ADAM22: variants seen among roughly 807,000 people sequenced by gnomAD.
ADAM22 encodes ADAM metallopeptidase domain 22.
ADAM22 carries 65 observed loss-of-function variants against 144.6 expected under a neutral mutation model. That is an observed-to-expected ratio of 0.45 (90% CI 0.37 to 0.55). The LOEUF (loss-of-function observed/expected upper bound fraction) is 0.55, where lower values mean the gene tolerates loss of function less well. ADAM22 is among the 20% of genes least tolerant of loss of function. The pLI, the probability that ADAM22 is intolerant of heterozygous loss-of-function variation, is 0.00. For synonymous variants in ADAM22, 391 were observed against 412.6 expected (o/e 0.95, Z 0.63); for missense variants, 974 against 1,184.9 (o/e 0.82, Z 2.61).
intron 5 of ADAM22, 149 bp from the exon 6 acceptor site, chr7:88,114,433 GGT>G: frequency 1.6e-6 from 1 of 641,588 alleles, no homozygotes; most frequent in Non-Finnish European, 2.8e-6. Context: ...CCCTCTCAGT[GGT>G]GTGTGTGGTG....
At chr7:88,185,237 A>G (rs530368620) in intron 29 of ADAM22, among the ~76,000 whole-genome samples, 1 of 152,332 alleles carries the variant, frequency 6.6e-6, no homozygotes, top group African/African-American at 2.4e-5. Context: ...ATACTATCTT[A>G]CCAAAAATGG....
intron 2 of ADAM22, among the ~76,000 whole-genome samples, chr7:87,963,437 A>G (rs1848405721): frequency 6.6e-6 from 1 of 152,218 alleles, no homozygotes; most frequent in Non-Finnish European, 1.5e-5. Context: ...GAGCAACAAG[A>G]AGTTTAAAAA....
At chr7:87,989,416 T>C (rs967638337) in intron 3 of ADAM22, among the ~76,000 whole-genome samples, 2 of 152,236 alleles carry the variant, frequency 1.3e-5, no homozygotes, top group South Asian at 2.1e-4. Flanking sequence ...AGAGATGGGG[T>C]CTTGCTATGT....
Position 88,132,876 on chromosome 7 carries a change from A to G in ADAM22, c.1002A>G (p.Gln334=), listed in dbSNP as rs1328106298. The G allele has an allele frequency of 1.2e-6, 2 of 1,613,796 alleles. No homozygotes were observed. The highest frequency in any genetic ancestry group is 1.7e-5 in the Admixed American group (1 of 59,972). ...SDAVHLFSGS[Q]FESSRSGAAY... ...TTTCCTTTTCTAAAAGGGGAAGTCA[A>G]TTTGAGAGTAGCCGGAGCGGGGCAG... The change falls in exon 12 of 32, where the codon CAA becomes CAG. Residue 334 remains glutamine, a synonymous_variant. Transcript: ENST00000413139.
intron 2 of ADAM22, among the ~76,000 whole-genome samples, chr7:87,976,226 G>A (rs2129448383): frequency 6.6e-6 from 1 of 152,314 alleles, no homozygotes; most frequent in Non-Finnish European, 1.5e-5. Flanking sequence ...GGGGTGCTAT[G>A]CACTGAATTA....
chr7:88,169,844 AGTT>A (rs1167121910), intron 25 of ADAM22, among the ~76,000 whole-genome samples: 2 of 152,134 alleles, frequency 1.3e-5, no homozygotes, highest in Admixed American at 6.6e-5. Context: ...GAAGTAGCTC[AGTT>A]GTTTCATTTG....
At position 88,196,455 on chromosome 7, in the gene ADAM22, C is replaced by CT; in HGVS notation, c.2875-12dup. On this transcript the variant is annotated splice_polypyrimidine_tract_variant and intron_variant, in intron 31 of 31. Transcript: ENST00000413139. ...TGCTTTCACAATGTGCAATTTTGCTCTTTTCTGTTGTGCAGCTATGGGAGA... is the reference window on the plus strand; with the variant it reads ...TGCTTTCACAATGTGCAATTTTGCTCTTTTTCTGTTGTGCAGCTATGGGAGA... The CT allele has an allele frequency of 6.2e-7, 1 of 1,614,046 alleles. No individual in the cohort carries two copies. The highest frequency in any genetic ancestry group is 8.5e-7 in the Non-Finnish European group (1 of 1,179,996).
chr7:88,089,522 G>C (rs1422399349), intron 4 of ADAM22, among the ~76,000 whole-genome samples: 1 of 151,984 alleles, frequency 6.6e-6, no homozygotes, highest in Non-Finnish European at 1.5e-5. Flanking sequence ...TTTTCCAATA[G>C]AGCAACTCAG....
chr7:87,973,896 C>T (rs1475735592), intron 2 of ADAM22, among the ~76,000 whole-genome samples: 2 of 151,608 alleles, frequency 1.3e-5, no homozygotes, highest in African/African-American at 4.9e-5. Flanking sequence ...AATGAGAACA[C>T]ATGAACACAA....
rs1038003507 is a variant in ADAM22 at position 88,105,832 on chromosome 7, G to T, written c.391-2344G>T. ...ATTGATATGAAGATTTAGTGTGATT[G>T]TGTATGTAAATTGAGTAGAACAGTA... On this transcript the variant is annotated intron_variant, in intron 4 of 31. Transcript: ENST00000413139. Among the ~76,000 whole-genome samples, 119 of 152,162 alleles carry T rather than the reference G, an allele frequency of 7.8e-4. 1 individual carries two copies. Among genetic ancestry groups the T allele is most frequent in the Non-Finnish European group, 2.5e-4 (17 of 68,028 alleles).
intron 2 of ADAM22, among the ~76,000 whole-genome samples, chr7:87,944,831 GT>G (rs1383358458): frequency 4.5e-4 from 51 of 114,090 alleles, no homozygotes; most frequent in South Asian, 1.5e-3. Context: ...TTTTTTTTTT[GT>G]TTTTTTTTTT....
At chr7:87,946,009 AGTGT>A (rs1486399485) in intron 2 of ADAM22, among the ~76,000 whole-genome samples, 1 of 151,906 alleles carries the variant, frequency 6.6e-6, no homozygotes, top group Non-Finnish European at 1.5e-5. Flanking sequence ...AGAGTGTGTA[AGTGT>A]TCCCTTTTCT....
At chr7:88,189,728 G>T (rs1263763707) in intron 30 of ADAM22, among the ~76,000 whole-genome samples, 4 of 152,046 alleles carry the variant, frequency 2.6e-5, no homozygotes, top group Non-Finnish European at 5.9e-5. Context: ...GGCAGATCAT[G>T]AGGTCAGGAG....
chr7:88,047,864 C>T (rs1198438265), intron 3 of ADAM22, among the ~76,000 whole-genome samples: 2 of 151,700 alleles, frequency 1.3e-5, no homozygotes, highest in Non-Finnish European at 2.9e-5. Context: ...ATAAATGCAT[C>T]AGATGTATAT....
intron 5 of ADAM22, among the ~76,000 whole-genome samples, chr7:88,110,650 C>G (rs918020538): frequency 4.7e-5 from 7 of 149,962 alleles, no homozygotes; most frequent in African/African-American, 1.5e-4. Flanking sequence ...TTTTTCTTTT[C>G]TTTTCTTTTT....
chr7:88,162,676 T>C (rs918657083), intron 22 of ADAM22, among the ~76,000 whole-genome samples: 20 of 152,114 alleles, frequency 1.3e-4, no homozygotes, highest in African/African-American at 4.6e-4. Context: ...ACATATGCAA[T>C]CTTTTTGGGT....
At chr7:88,138,744 A>T (rs4320482) in intron 14 of ADAM22, among the ~76,000 whole-genome samples, 27,370 of 152,208 alleles carry the variant, frequency 0.18, 4,083 homozygotes, top group African/African-American at 0.41. Context: ...CCTTCAGATA[A>T]TTGAAGGGGC....
At chr7:88,160,262 A>G (rs891902361) in intron 22 of ADAM22, among the ~76,000 whole-genome samples, 2 of 152,186 alleles carry the variant, frequency 1.3e-5, no homozygotes, top group Admixed American at 6.6e-5. Flanking sequence ...AGATGCCACA[A>G]ACAAAAGGAA....
intron 13 of ADAM22, 86 bp from the exon 14 acceptor site, chr7:88,135,894 G>A: frequency 6.0e-6 from 7 of 1,169,054 alleles, no homozygotes; most frequent in Middle Eastern, 2.0e-4. Flanking sequence ...AAGGAATAAA[G>A]TGGAGATAAT....
Sources: allele counts gnomAD v4.1 joint callset (sites outside exome capture counted in the v4.1 genomes callset), GRCh38; gene constraint gnomAD v4.1.1; transcripts MANE v1.5; gene names NCBI Gene and HGNC (gene_info 2026-07-23, HGNC 2026-07-21).